Variants in MPDZ observed in about 807,000 individuals in gnomAD.
MPDZ encodes multiple PDZ domain protein.
A neutral mutation model predicts 239.1 loss-of-function variants in MPDZ; 234 were observed. The ratio of observed to expected loss-of-function variants is 0.98; its 90% CI spans 0.88 to 1.09. The LOEUF is 1.09. Among genes scored for constraint, MPDZ ranks in the 50% least tolerant of loss-of-function variants. The pLI is 0.00. For missense variants in MPDZ, 3,175 were observed against 2,510.0 expected, an observed-to-expected ratio of 1.26 and a Z score of -5.66; for synonymous variants, 1,048 against 881.3, an observed-to-expected ratio of 1.19 and a Z score of -3.35.
chr9:13,108,502 GCTT>G (rs1008102617), intron 46 of MPDZ, among the ~76,000 whole-genome samples: 1 of 151,894 alleles, frequency 6.6e-6, no homozygotes, highest in African/African-American at 2.4e-5. Context: ...TAAAATAAAT[GCTT>G]ATTAATTTTC....
intron 12 of MPDZ, among the ~76,000 whole-genome samples, chr9:13,201,477 A>G (rs998444147): frequency 6.6e-6 from 1 of 151,828 alleles, no homozygotes; most frequent in African/African-American, 2.4e-5. Context: ...GATTTGAGAA[A>G]TTTTCAGCTA....
At chr9:13,230,419 C>A (rs1365275562) in intron 3 of MPDZ, among the ~76,000 whole-genome samples, 1 of 151,870 alleles carries the variant, frequency 6.6e-6, no homozygotes, top group Non-Finnish European at 1.5e-5. Context: ...GTAGGTAAAT[C>A]CAATAAGAAA....
rs781236770 is a variant in MPDZ, at chr9:13,140,035, T to C, written c.3955A>G (p.Lys1319Glu). 13 of 1,613,350 alleles carry C rather than the reference T, an allele frequency of 8.1e-6. No homozygotes were observed. The highest frequency in any genetic ancestry group is 1.1e-5 in the Non-Finnish European group (13 of 1,179,742). Residue 1319 changes from lysine to glutamate, a missense_variant, in exon 28 of 47, where the codon AAA (lysine) becomes GAA (glutamate). Transcript: ENST00000319217. ...GSDHTQSSAS[K>E]ISQDVDKEDE... is the part of the protein sequence containing the mutation. ...TCTTTGTCCACATCTTGTGAGATTT[T>C]GCTTGCAGATGACTGTGTGTGATCA...
In MPDZ at chr9:13,143,021, G is replaced by A. The variant is rs534322532; in HGVS notation, c.3840+445C>T. ...CTTCATGAATATTCAACAGACTCCT[G>A]CATGTACACATACACAATTATTTGT... On this transcript the variant is annotated intron_variant, in intron 27 of 46. Transcript: ENST00000319217. Among the ~76,000 whole-genome samples, 7 of 152,214 alleles carry A rather than the reference G, an allele frequency of 4.6e-5. No homozygotes were observed. The East Asian group carries it at 1.4e-3, about 29-fold the overall frequency.
intron 39 of MPDZ, among the ~76,000 whole-genome samples, chr9:13,116,663 G>A (rs2131376218): frequency 6.6e-6 from 1 of 152,132 alleles, no homozygotes; most frequent in East Asian, 1.9e-4. Flanking sequence ...GTGTAATGTT[G>A]CGACCCTTTC....
intron 1 of MPDZ, among the ~76,000 whole-genome samples, chr9:13,250,864 C>T (rs1967774769): frequency 6.6e-6 from 1 of 152,064 alleles, no homozygotes; most frequent in African/African-American, 2.4e-5. Flanking sequence ...CATGGTGGCT[C>T]ACATCTTTAA....
At chr9:13,119,893 A>G in intron 38 of MPDZ, 2 of 502,148 alleles carry the variant, frequency 4.0e-6, no homozygotes, top group Non-Finnish European at 7.1e-6. Flanking sequence ...CATCATTTAT[A>G]TACACTGAGT....
Position 13,220,302 on chromosome 9 carries a change from T to C in MPDZ, c.877-534A>G, listed in dbSNP as rs977027959. 2.6e-5 allele frequency among the ~76,000 whole-genome samples: 4 copies of C among 152,124 alleles called. No homozygotes were observed. In the South Asian group the frequency reaches 6.2e-4, roughly 24 times the overall value. On this transcript the variant is annotated intron_variant, in intron 7 of 46. Transcript: ENST00000319217. ...AAGATGTGAGGAGTGAAAAGCAGTCTTATGAGCCTCCATACACATGCAGTC... is the reference window on the plus strand; with the variant it reads ...AAGATGTGAGGAGTGAAAAGCAGTCCTATGAGCCTCCATACACATGCAGTC...
intron 12 of MPDZ, among the ~76,000 whole-genome samples, chr9:13,203,933 A>G (rs893402132): frequency 1.3e-5 from 2 of 152,146 alleles, no homozygotes; most frequent in African/African-American, 4.8e-5. Context: ...AATTCCTGAT[A>G]TTCACTTTAG....
chr9:13,106,997 T>A lies in MPDZ; in HGVS notation c.6181A>T (p.Lys2061Ter). Residue 2061 changes from lysine (K) to a stop codon, truncating the protein, a stop_gained, in exon 47 of 47, where the codon AAA becomes TAA. Coordinates refer to ENST00000319217, the MANE Select transcript of MPDZ (RefSeq NM_001378778.1). LOFTEE classifies it high-confidence loss of function. ...EEAVAILKRT[K>*]GTVTLMVLS ...AGAACCATCAAAGTGACAGTGCCTT[T>A]TGTCCGTTTAAGGATGGCAACAGCT... 1 of 1,613,686 alleles carries A rather than the reference T, an allele frequency of 6.2e-7. No individual in the cohort carries two copies.
chr9:13,216,878 GTTTA>G lies in MPDZ; in HGVS notation c.1202-20_1202-17del, dbSNP rs1564055754. ...CCTGAAGGTTCTAAGATTAGAAATA[GTTTA>G]TTTTTCACAATTTTCAAAGCACATT... On this transcript the variant is annotated splice_polypyrimidine_tract_variant and intron_variant, in intron 9 of 46. Coordinates refer to ENST00000319217, the MANE Select transcript of MPDZ (RefSeq NM_001378778.1). The G allele has an allele frequency of 6.3e-7, 1 of 1,586,146 alleles. No individual in the cohort carries two copies. Among genetic ancestry groups the G allele is most frequent in the Non-Finnish European group, 8.6e-7 (1 of 1,160,224 alleles).
intron 3 of MPDZ, among the ~76,000 whole-genome samples, chr9:13,228,982 G>A (rs571824886): frequency 2.2e-4 from 34 of 152,216 alleles, no homozygotes; most frequent in Admixed American, 1.9e-3. Context: ...AGTGCCCTGG[G>A]TATCATTCAA....
rs770580208 is a variant in MPDZ at position 13,247,718 on chromosome 9, TCA to T, written c.98_99del (p.Leu33GlnfsTer40). On this transcript the variant is annotated frameshift_variant, in exon 3 of 47. Coordinates refer to ENST00000319217, the MANE Select transcript of MPDZ (RefSeq NM_001378778.1). LOFTEE classifies it high-confidence loss of function. ...CTCTGCAGGACTGACTTCAGAAGGC[TCA>T]GTTTGTCTTCATTTGCTACATCCCC... ...ERGDVANEDK[L>X]SLLKSVLQSP... 1.9e-6 allele frequency: 3 copies of T among 1,613,614 alleles called. No individual in the cohort carries two copies. The South Asian group carries it at 3.3e-5, about 18-fold the overall frequency.
At chr9:13,258,293 G>A (rs114886831) in intron 1 of MPDZ, among the ~76,000 whole-genome samples, 6 of 152,202 alleles carry the variant, frequency 3.9e-5, no homozygotes, top group African/African-American at 1.4e-4. Flanking sequence ...ATATGTTTTA[G>A]GCTAAAAATA....
intron 1 of MPDZ, among the ~76,000 whole-genome samples, chr9:13,272,942 A>T (rs1973339970): frequency 6.6e-6 from 1 of 151,984 alleles, no homozygotes. Flanking sequence ...TGACATCCTA[A>T]CCCCCAAAGT....
At chr9:13,222,900 C>T (rs550343932) in intron 5 of MPDZ, among the ~76,000 whole-genome samples, 1 of 151,200 alleles carries the variant, frequency 6.6e-6, no homozygotes, top group South Asian at 2.1e-4. Flanking sequence ...AGATTAGATC[C>T]CCAACTGGGG....
At chr9:13,256,094 G>A (rs544223452) in intron 1 of MPDZ, among the ~76,000 whole-genome samples, 32 of 152,166 alleles carry the variant, frequency 2.1e-4, no homozygotes, top group Admixed American at 4.6e-4. Flanking sequence ...GCTTCACCTT[G>A]CACTTTTATG....
chr9:13,191,743 T>C (rs756936948), intron 15 of MPDZ, among the ~76,000 whole-genome samples: 11 of 152,180 alleles, frequency 7.2e-5, no homozygotes, highest in Non-Finnish European at 1.5e-4. Context: ...TACTTCAGTT[T>C]TCTCTTCTGC....
chr9:13,110,603 T>C, intron 44 of MPDZ, 33 bp downstream of exon 44: 7 of 1,492,894 alleles, frequency 4.7e-6, no homozygotes, highest in Non-Finnish European at 6.5e-6. Context: ...AGGCTACCTA[T>C]ATTCTGAATT....
Sources: allele counts gnomAD v4.1 joint callset (sites outside exome capture counted in the v4.1 genomes callset), GRCh38; gene constraint gnomAD v4.1.1; transcripts MANE v1.5; gene names NCBI Gene and HGNC (gene_info 2026-07-23, HGNC 2026-07-21).